The following CLEC16A variants were observed in gnomAD, a reference collection of about 807,000 sequenced individuals.
CLEC16A encodes the protein C-type lectin domain containing 16A.
A neutral mutation model predicts 109.5 loss-of-function variants in CLEC16A; 51 were observed. The ratio of observed to expected loss-of-function variants is 0.47; its 90% CI spans 0.37 to 0.59. The LOEUF (loss-of-function observed/expected upper bound fraction) is 0.59. CLEC16A is among the 20% of genes least tolerant of loss of function. The pLI, the probability that CLEC16A is intolerant of heterozygous loss-of-function variation, is 0.00. For synonymous variants in CLEC16A, 673 were observed against 564.2 expected, an observed-to-expected ratio of 1.19 and a Z score of -2.73; for missense variants, 1,339 against 1,394.0, an observed-to-expected ratio of 0.96 and a Z score of 0.63.
chr16:11,115,924 C>A (rs1358765804), intron 19 of CLEC16A, among the ~76,000 whole-genome samples: 1 of 151,246 alleles, frequency 6.6e-6, no homozygotes, highest in African/African-American at 2.4e-5. Flanking sequence ...ACTATGTTGC[C>A]CAGGATGAAC....
At chr16:10,989,638 A>G (rs2043879505) in intron 10 of CLEC16A, among the ~76,000 whole-genome samples, 1 of 152,190 alleles carries the variant, frequency 6.6e-6, no homozygotes, top group Non-Finnish European at 1.5e-5. Context: ...TTATCTCCAC[A>G]TAAGGACATT....
chr16:10,963,454 T>C (rs1353749245), intron 3 of CLEC16A, among the ~76,000 whole-genome samples: 6 of 152,220 alleles, frequency 3.9e-5, no homozygotes, highest in Non-Finnish European at 2.9e-5. Flanking sequence ...GTGTTTGCAG[T>C]TCTTCTTTAT....
intron 16 of CLEC16A, among the ~76,000 whole-genome samples, chr16:11,044,766 A>C (rs1355501508): frequency 6.6e-6 from 1 of 152,016 alleles, no homozygotes; most frequent in East Asian, 1.9e-4. Flanking sequence ...CCCCGTCTCT[A>C]CTAAAAATAC....
chr16:10,979,365 C>A lies in CLEC16A; in HGVS notation c.940C>A (p.Leu314Ile). 6.2e-7 allele frequency: 1 copy of A among 1,613,174 alleles called. No individual in the cohort carries two copies. The highest frequency in any genetic ancestry group is 8.5e-7 in the Non-Finnish European group (1 of 1,179,658). Residue 314 changes from leucine to isoleucine, a missense_variant, in exon 9 of 24, where the codon CTT (leucine) becomes ATT (isoleucine). Physicochemically the swap from Leu to Ile is conservative, Grantham distance 5. Transcript: ENST00000409790. The stretch of plus-strand genomic sequence containing the variant: ...GCCGAAAATTAGCCTGCCGGTGTCT[C>A]TTTATCTTCTGTCACAGGTATGCTT... ...ERPKISLPVS[L>I]YLLSQVFLII... is the part of the protein sequence containing the mutation.
Position 11,120,676 on chromosome 16 carries a change from C to T in CLEC16A, c.2178C>T (p.Phe726=), listed in dbSNP as rs1225062034. ...ITKDGGMVQR[F]LAVDIYQMSL... Reference sequence around the variant, plus strand: ...AGGATGGCGGCATGGTCCAGCGATTCCTGGCTGTGGATATTTACCAGATGA... The same window carrying T: ...AGGATGGCGGCATGGTCCAGCGATTTCTGGCTGTGGATATTTACCAGATGA... The change falls in exon 20 of 24, where the codon TTC becomes TTT. Residue 726 remains phenylalanine (F), a synonymous_variant. Coordinates refer to ENST00000409790, the MANE Select transcript of CLEC16A (RefSeq NM_015226.3). 1 of 1,612,752 alleles carries T rather than the reference C, an allele frequency of 6.2e-7. No individual in the cohort carries two copies. The highest frequency in any genetic ancestry group is 2.2e-5 in the East Asian group (1 of 44,842).
chr16:11,035,696 AC>A (rs1213780733), intron 13 of CLEC16A, among the ~76,000 whole-genome samples: 2 of 152,242 alleles, frequency 1.3e-5, no homozygotes, highest in Admixed American at 1.3e-4. Flanking sequence ...GCTGATGGTC[AC>A]CATTTCTTCA....
chr16:11,123,692 C>T, intron 20 of CLEC16A, 50 bp from the exon 21 acceptor site: 1 of 1,580,630 alleles, frequency 6.3e-7, no homozygotes, highest in Non-Finnish European at 8.7e-7. Context: ...TCCTAGCCAC[C>T]CTCCTCCCAA....
chr16:11,001,678 C>T (rs1780854822), intron 10 of CLEC16A, among the ~76,000 whole-genome samples: 1 of 152,206 alleles, frequency 6.6e-6, no homozygotes, highest in South Asian at 2.1e-4. Context: ...CATTCTGTCG[C>T]CCAGGCTGGA....
chr16:11,110,678 C>T (rs1218784666), intron 19 of CLEC16A, among the ~76,000 whole-genome samples: 2 of 152,148 alleles, frequency 1.3e-5, no homozygotes, highest in Non-Finnish European at 2.9e-5. Flanking sequence ...CAATGACCAC[C>T]ATAGCTTGCC....
intron 19 of CLEC16A, among the ~76,000 whole-genome samples, chr16:11,064,785 A>G (rs2048674829): frequency 6.6e-6 from 1 of 152,100 alleles, no homozygotes; most frequent in Non-Finnish European, 1.5e-5. Context: ...TCAAAAAAAT[A>G]AAAACAAAAC....
chr16:11,079,885 C>T (rs758893024), intron 19 of CLEC16A, among the ~76,000 whole-genome samples: 15 of 152,212 alleles, frequency 9.9e-5, no homozygotes, highest in Non-Finnish European at 4.4e-5. Flanking sequence ...ATGAGCCATG[C>T]TGGCAGACTC....
rs555714027 is a variant in CLEC16A, at chr16:10,962,925, G to C, written c.343+337G>C. Among the ~76,000 whole-genome samples the C allele has an allele frequency of 8.3e-4, 127 of 152,178 alleles. 1 individual carries two copies. In the South Asian group the frequency reaches 0.014, roughly 17 times the overall value. On this transcript the variant is annotated intron_variant, in intron 3 of 23. Transcript: ENST00000409790. ...ACCACAAAAATTAGCTGGGTGTGGT[G>C]GTGTGCACATGTAGTCCCAGCTACT...
chr16:11,055,001 T>C (rs1400271157), intron 18 of CLEC16A, among the ~76,000 whole-genome samples: 3 of 151,904 alleles, frequency 2.0e-5, no homozygotes, highest in Non-Finnish European at 4.4e-5. Context: ...AACTCCATCC[T>C]TTATTTTCCT....
intron 22 of CLEC16A, among the ~76,000 whole-genome samples, chr16:11,139,266 A>G (rs1031712553): frequency 1.3e-5 from 2 of 152,176 alleles, no homozygotes; most frequent in Non-Finnish European, 2.9e-5. Flanking sequence ...CAAGCTTGGC[A>G]TGATGGAGAC....
chr16:11,117,294 G>A (rs570958489), intron 19 of CLEC16A, among the ~76,000 whole-genome samples: 1 of 152,106 alleles, frequency 6.6e-6, no homozygotes, highest in African/African-American at 2.4e-5. Context: ...TAAAATAGGT[G>A]AACTTTATGG....
rs1039333532 is a variant in CLEC16A at position 10,961,557 on chromosome 16, A to G, written c.210-898A>G. Among the ~76,000 whole-genome samples the G allele has an allele frequency of 6.6e-6, 1 of 152,170 alleles. No homozygotes were observed. Among genetic ancestry groups the G allele is most frequent in the African/African-American group, 2.4e-5 (1 of 41,434 alleles). ...CTGGATGGTCTGTTTCCTTTTCAAG[A>G]CTGAAAGAGCCAACGTGTACCCCCA... On this transcript the variant is annotated intron_variant, in intron 2 of 23. Transcript: ENST00000409790. The surrounding 1 kb of genome is among the most constrained non-coding windows in gnomAD (Gnocchi z 4.3).
Position 11,037,744 on chromosome 16 carries a change from A to G in CLEC16A, c.1538-2010A>G, listed in dbSNP as rs556775148. On this transcript the variant is annotated intron_variant, in intron 13 of 23. Transcript: ENST00000409790. ...TGCTGATGGGTTATAAAGTTGGGCA[A>G]TGCACCTGGGACACAGAGGAGCTTT... 4.5e-3 allele frequency among the ~76,000 whole-genome samples: 689 copies of G among 152,040 alleles called. 5 individuals are homozygous for G. Among genetic ancestry groups the G allele is most frequent in the Middle Eastern group, 0.031 (9 of 294 alleles).
In CLEC16A at chr16:11,024,903, G is replaced by A; in HGVS notation, c.1519G>A (p.Ala507Thr). The A allele has an allele frequency of 6.2e-7, 1 of 1,608,154 alleles. No homozygotes were observed. The highest frequency in any genetic ancestry group is 8.5e-7 in the Non-Finnish European group (1 of 1,177,216). Residue 507 changes from alanine to threonine, a missense_variant, in exon 13 of 24, where the codon GCC (alanine) becomes ACC (threonine). Physicochemically the swap from Ala to Thr is moderately conservative, Grantham distance 58. Transcript: ENST00000409790. ...CCTGTTCGTGCTCTGCCTCCTCTATGCCATGTCTCATAATAAAGGTAAGCA... is the reference window on the plus strand; with the variant it reads ...CCTGTTCGTGCTCTGCCTCCTCTATACCATGTCTCATAATAAAGGTAAGCA... ...HALFVLCLLY[A>T]MSHNKGMDPE...
chr16:11,018,491 T>G (rs2045898580), intron 11 of CLEC16A, among the ~76,000 whole-genome samples: 1 of 151,944 alleles, frequency 6.6e-6, no homozygotes, highest in Middle Eastern at 3.4e-3. Context: ...AGCTCACGCC[T>G]GTAATCCCAG....
Sources: allele counts gnomAD v4.1 joint callset (sites outside exome capture counted in the v4.1 genomes callset), GRCh38; gene constraint gnomAD v4.1.1; non-coding constraint Gnocchi (gnomAD v3.1); transcripts MANE v1.5; gene names NCBI Gene and HGNC (gene_info 2026-07-23, HGNC 2026-07-21).